Variants in SYNPO observed in about 807,000 individuals in gnomAD.
SYNPO encodes the protein synaptopodin.
Under a neutral mutation model 49.5 loss-of-function variants are expected in SYNPO, and 19 were observed. That is an observed-to-expected ratio of 0.38 (90% CI 0.27 to 0.56). The LOEUF (loss-of-function observed/expected upper bound fraction) is 0.56. Ranked by LOEUF, SYNPO falls within the 20% of genes least tolerant of loss-of-function variation. The pLI is 0.68. For synonymous variants in SYNPO, 536 were observed against 548.0 expected, an observed-to-expected ratio of 0.98 and a Z score of 0.31; for missense variants, 1,131 against 1,248.3, an observed-to-expected ratio of 0.91 and a Z score of 1.42.
chr5:150,618,261 A>C, exon 2 of SYNPO: 1 of 1,328,260 alleles, frequency 7.5e-7, no homozygotes, highest in Non-Finnish European at 1.0e-6. Context: ...GAGTCAGAGG[A>C]GGCTGTGTAA....
the SYNPO span, among the ~76,000 whole-genome samples, chr5:150,592,870 G>GC: frequency 6.6e-6 from 1 of 152,194 alleles, no homozygotes; most frequent in South Asian, 2.1e-4. Flanking sequence ...TACCAGTCCT[G>GC]CCCACCCCAT....
chr5:150,599,393 G>T (rs1197337816), upstream of SYNPO, among the ~76,000 whole-genome samples: 1 of 152,230 alleles, frequency 6.6e-6, no homozygotes, highest in African/African-American at 2.4e-5. Flanking sequence ...GGCCAGGAAA[G>T]TGACTGTTAT....
rs752254592 is a variant in SYNPO, at chr5:150,656,882, C to G, written c.2507C>G (p.Thr836Ser). Reference sequence around the variant, plus strand: ...TTGCCCGCCGGTCCTTCGTCCTGCACCAGTCCCCGGAGCCCGCTGCCCGCG... The same window carrying G: ...TTGCCCGCCGGTCCTTCGTCCTGCAGCAGTCCCCGGAGCCCGCTGCCCGCG... Reference protein sequence around the residue: ...SPLPAGPSSCTSPRSPLPAPP... With the variant: ...SPLPAGPSSCSSPRSPLPAPP... The change falls in exon 3 of 3, where the codon ACC (threonine) becomes AGC (serine). Residue 836 changes from threonine to serine, a missense_variant. Transcript: ENST00000307662. 5.1e-6 allele frequency: 8 copies of G among 1,576,602 alleles called. No homozygotes were observed. In the Admixed American group the frequency reaches 5.4e-5, roughly 11 times the overall value.
At chr5:150,643,898 G>T (rs934647959) in intron 1 of SYNPO, among the ~76,000 whole-genome samples, 1 of 152,124 alleles carries the variant, frequency 6.6e-6, no homozygotes, top group African/African-American at 2.4e-5. Context: ...ATGATGGCTG[G>T]ACGTGGTGGC....
At chr5:150,595,618 C>T in the SYNPO span, among the ~76,000 whole-genome samples, 1 of 152,180 alleles carries the variant, frequency 6.6e-6, no homozygotes, top group Non-Finnish European at 1.5e-5. Context: ...GATAAGAGAC[C>T]CACAATGTCA....
chr5:150,646,853 AGAAAATATTCT>A (rs1758112530), intron 1 of SYNPO, among the ~76,000 whole-genome samples: 1 of 152,270 alleles, frequency 6.6e-6, no homozygotes, highest in South Asian at 2.1e-4. Flanking sequence ...GAAGGCACAC[AGAAAATATTCT>A]GGGGGTTCAT....
chr5:150,628,066 G>GTGTGTGTGTGTGTGTGT (rs1561643374), intron 2 of SYNPO, among the ~76,000 whole-genome samples: 6 of 150,302 alleles, frequency 4.0e-5, no homozygotes, highest in African/African-American at 1.5e-4. Flanking sequence ...GTGTGTGTGT[G>GTGTGTGTGTGTGTGTGT]GTCAGAGTCT....
chr5:150,600,203 G>C (rs1208444176), upstream of SYNPO, among the ~76,000 whole-genome samples: 1 of 152,382 alleles, frequency 6.6e-6, no homozygotes, highest in East Asian at 1.9e-4. Context: ...TGCACCTGAG[G>C]CTTCCAGGTC....
chr5:150,641,573 C>T lies in SYNPO; in HGVS notation c.-333+719C>T, dbSNP rs1757910081. On this transcript the variant is annotated intron_variant, in intron 1 of 2. Coordinates refer to ENST00000307662, the MANE Select transcript of SYNPO (RefSeq NM_007286.6). ...CACCTCCCTCCTGTGGATCCTCCATCCACACGGGCCCCAGTGGTGGGCAGA... is the reference window on the plus strand; with the variant it reads ...CACCTCCCTCCTGTGGATCCTCCATTCACACGGGCCCCAGTGGTGGGCAGA... 2.6e-5 allele frequency among the ~76,000 whole-genome samples: 4 copies of T among 152,342 alleles called. No homozygotes were observed. In the South Asian group the frequency reaches 8.3e-4, roughly 32 times the overall value.
At chr5:150,617,601 AGT>A (rs1487606811) in intron 1 of SYNPO, 1 of 152,160 alleles carries the variant, frequency 6.6e-6, no homozygotes, top group Non-Finnish European at 1.5e-5. Context: ...CGGACTGCAC[AGT>A]GTTTCTTGTT....
intron 2 of SYNPO, chr5:150,650,572 G>A: frequency 6.9e-7 from 1 of 1,455,346 alleles, no homozygotes. Context: ...GCGGGGAGGA[G>A]GGTCATGGAG....
chr5:150,597,875 T>C (rs534391987), upstream of SYNPO, among the ~76,000 whole-genome samples: 27 of 152,112 alleles, frequency 1.8e-4, no homozygotes, highest in African/African-American at 6.3e-4. Context: ...TGACCTCAAG[T>C]GATCGGCCCA....
At position 150,648,421 on chromosome 5, in the gene SYNPO, A is replaced by G; in HGVS notation, c.146A>G (p.Glu49Gly). The change falls in exon 2 of 3, where the codon GAG becomes GGG. Residue 49 changes from glutamate (E) to glycine (G), a missense_variant. Glu to Gly is a moderately conservative substitution (Grantham distance 98, BLOSUM62 -2). Coordinates refer to ENST00000307662, the MANE Select transcript of SYNPO (RefSeq NM_007286.6). The surrounding 1 kb of genome is among the most constrained non-coding windows in gnomAD (Gnocchi z 5.0). The part of the protein sequence containing the change: ...ANGLHLSQNR[E>G]AQQSSPAPPP... ...GGGCTGCACCTGTCCCAAAACCGAG[A>G]GGCCCAGCAGTCCTCACCGGCCCCA... is the stretch of plus-strand genomic sequence containing the variant. 1.9e-6 allele frequency: 3 copies of G among 1,614,160 alleles called. No homozygotes were observed. Among genetic ancestry groups the G allele is most frequent in the Non-Finnish European group, 2.5e-6 (3 of 1,180,014 alleles).
chr5:150,604,014 C>T (rs1294941543), intron 1 of SYNPO, among the ~76,000 whole-genome samples: 2 of 152,186 alleles, frequency 1.3e-5, no homozygotes, highest in East Asian at 1.9e-4. Flanking sequence ...AGTCCTTGGG[C>T]CTGGATTCCC....
chr5:150,633,783 T>C (rs1010159663), intron 2 of SYNPO, among the ~76,000 whole-genome samples: 2 of 152,182 alleles, frequency 1.3e-5, no homozygotes, highest in Non-Finnish European at 2.9e-5. Flanking sequence ...AGGAAAACTA[T>C]AAAAGTGTTG....
At chr5:150,608,697 G>A (rs562336237) in intron 1 of SYNPO, among the ~76,000 whole-genome samples, 81 of 152,162 alleles carry the variant, frequency 5.3e-4, no homozygotes, top group African/African-American at 8.7e-4. Context: ...ACCTACCTGC[G>A]CATAGGAACA....
the SYNPO span, among the ~76,000 whole-genome samples, chr5:150,593,382 T>G: frequency 6.6e-6 from 1 of 152,214 alleles, no homozygotes; most frequent in Non-Finnish European, 1.5e-5. Context: ...GTCCCTTATT[T>G]GTTGTGCAGC....
chr5:150,592,200 A>G, the SYNPO span, among the ~76,000 whole-genome samples: 1 of 152,158 alleles, frequency 6.6e-6, no homozygotes, highest in Non-Finnish European at 1.5e-5. Flanking sequence ...GAAGAAGAAG[A>G]AAAGATACAA....
chr5:150,605,813 C>G (rs1219314039), intron 1 of SYNPO, among the ~76,000 whole-genome samples: 1 of 151,832 alleles, frequency 6.6e-6, no homozygotes, highest in Non-Finnish European at 1.5e-5. Flanking sequence ...CACAGAGACA[C>G]GTACAGACAC....
Sources: gnomAD v4.1 joint callset for allele counts (sites outside exome capture counted in the v4.1 genomes callset) on GRCh38, gnomAD v4.1.1 for gene constraint, Gnocchi (gnomAD v3.1) non-coding constraint, MANE v1.5 for transcripts, NCBI Gene and HGNC (gene_info 2026-07-23, HGNC 2026-07-21) for gene names.